The following TMEM74 variants were observed in gnomAD, a reference collection of about 807,000 sequenced individuals.
TMEM74 encodes transmembrane protein 74.
A neutral mutation model predicts 18.1 loss-of-function variants in TMEM74; 13 were observed. The ratio of observed to expected loss-of-function variants is 0.72; its 90% CI spans 0.47 to 1.14. The LOEUF is 1.14. Ranked by LOEUF, TMEM74 falls within the 50% of genes most tolerant of loss-of-function variation. The probability of loss-of-function intolerance (pLI) is 0.00; values close to 1 mark genes in which losing one functional copy is unlikely to be tolerated. For synonymous variants in TMEM74, 159 were observed against 146.6 expected, an observed-to-expected ratio of 1.08 and a Z score of -0.61; for missense variants, 372 against 375.9, an observed-to-expected ratio of 0.99 and a Z score of 0.09.
downstream of TMEM74, among the ~76,000 whole-genome samples, chr8:108,776,728 CATGATGATG>C (rs71305917): frequency 2.2e-4 from 33 of 148,000 alleles, no homozygotes; most frequent in African/African-American, 5.8e-4. Flanking sequence ...GCAGTTTCCA[CATGATGATG>C]ATGATGATGA....
intron 2 of TMEM74, among the ~76,000 whole-genome samples, chr8:108,647,958 C>T (rs1812736678): frequency 1.3e-5 from 2 of 151,978 alleles, no homozygotes; most frequent in South Asian, 4.2e-4. Flanking sequence ...ACAATTTGGC[C>T]AGGAAAAGAT....
rs531712644 is a variant in TMEM74 at position 108,780,512 on chromosome 8, G to C, written c.*3669C>G. Among the ~76,000 whole-genome samples, 2 of 152,244 alleles carry C rather than the reference G, an allele frequency of 1.3e-5. No individual in the cohort carries two copies. Among genetic ancestry groups the C allele is most frequent in the Admixed American group, 1.3e-4 (2 of 15,290 alleles). On this transcript the variant is annotated 3_prime_UTR_variant, in exon 2 of 2. Transcript: ENST00000297459. ...CAAGATTAAGTCACCCCTTATACTG[G>C]GGGGACTGAGGTAAAGGCACACATA...
chr8:108,713,809 A>G (rs1720834401), intron 1 of TMEM74, among the ~76,000 whole-genome samples: 1 of 152,344 alleles, frequency 6.6e-6, no homozygotes, highest in Non-Finnish European at 1.5e-5. Context: ...AGACCCTGCA[A>G]TGCTGAAAAC....
chr8:108,746,383 A>C (rs1813848509), intron 1 of TMEM74, among the ~76,000 whole-genome samples: 1 of 152,036 alleles, frequency 6.6e-6, no homozygotes, highest in Non-Finnish European at 1.5e-5. Context: ...TTGTATGTGC[A>C]CCATCACAGA....
At chr8:108,676,366 C>T (rs1308332330) in intron 1 of TMEM74, among the ~76,000 whole-genome samples, 2 of 152,168 alleles carry the variant, frequency 1.3e-5, no homozygotes, top group Non-Finnish European at 2.9e-5. Context: ...TATGACTCTG[C>T]CTCTTGCTGC....
chr8:108,728,274 T>C (rs950921356), intron 1 of TMEM74, among the ~76,000 whole-genome samples: 8 of 152,112 alleles, frequency 5.3e-5, no homozygotes, highest in African/African-American at 1.7e-4. Context: ...GTGTAAAGAA[T>C]TGATAATGTA....
At chr8:108,756,647 AAAG>A (rs1813971063) in intron 1 of TMEM74, among the ~76,000 whole-genome samples, 47 of 61,326 alleles carry the variant, frequency 7.7e-4, no homozygotes, top group African/African-American at 2.9e-3. Context: ...AGGAAGAAAG[AAAG>A]AGAAAGAAAG....
chr8:108,629,263 G>T (rs928891645), intron 2 of TMEM74, among the ~76,000 whole-genome samples: 6 of 151,916 alleles, frequency 3.9e-5, no homozygotes, highest in Non-Finnish European at 8.8e-5. Flanking sequence ...CCAAAATAAG[G>T]TGTCAAGACA....
intron 1 of TMEM74, among the ~76,000 whole-genome samples, chr8:108,735,319 T>G (rs1813737205): frequency 6.6e-6 from 1 of 152,208 alleles, no homozygotes; most frequent in African/African-American, 2.4e-5. Context: ...TTTTCATCAC[T>G]TTAAGAAGCA....
chr8:108,727,141 A>T (rs553241232), intron 1 of TMEM74, among the ~76,000 whole-genome samples: 1 of 152,124 alleles, frequency 6.6e-6, no homozygotes, highest in Non-Finnish European at 1.5e-5. Context: ...AGGAGAGAGG[A>T]TATTTTATGA....
At chr8:108,734,902 T>A (rs1813730430) in intron 1 of TMEM74, among the ~76,000 whole-genome samples, 1 of 152,120 alleles carries the variant, frequency 6.6e-6, no homozygotes, top group Non-Finnish European at 1.5e-5. Context: ...TTTAAAATTT[T>A]AAAAAAGACA....
intron 1 of TMEM74, among the ~76,000 whole-genome samples, chr8:108,756,755 G>C (rs1413076052): frequency 8.6e-6 from 1 of 115,918 alleles, no homozygotes; most frequent in Non-Finnish European, 1.8e-5. Flanking sequence ...AAGGGAGGGA[G>C]GGAGGGAGGG....
chr8:108,708,254 C>CTTTTT (rs35851810), intron 1 of TMEM74, among the ~76,000 whole-genome samples: 1 of 143,338 alleles, frequency 7.0e-6, no homozygotes. Context: ...TATGTAACAC[C>CTTTTT]TTTTTTTTTT....
downstream of TMEM74, among the ~76,000 whole-genome samples, chr8:108,775,241 G>T (rs909770782): frequency 3.9e-5 from 6 of 152,108 alleles, no homozygotes; most frequent in African/African-American, 1.4e-4. Context: ...CTTTCTGGAA[G>T]GAATCACTTG....
chr8:108,764,098 A>G (rs572859069), intron 1 of TMEM74, among the ~76,000 whole-genome samples: 1 of 152,274 alleles, frequency 6.6e-6, no homozygotes, highest in South Asian at 2.1e-4. Flanking sequence ...GGAAAACTTG[A>G]TAGCATTTCA....
intron 1 of TMEM74, among the ~76,000 whole-genome samples, chr8:108,689,059 C>T (rs1024579493): frequency 2.0e-5 from 3 of 152,126 alleles, no homozygotes; most frequent in African/African-American, 7.2e-5. Context: ...GACAAAGGTG[C>T]CCACTTATCT....
intron 1 of TMEM74, among the ~76,000 whole-genome samples, chr8:108,710,981 G>C (rs1813469017): frequency 6.6e-6 from 1 of 152,176 alleles, no homozygotes; most frequent in South Asian, 2.1e-4. Flanking sequence ...ATTGAGTCAT[G>C]TACAATGTAA....
intron 1 of TMEM74, among the ~76,000 whole-genome samples, chr8:108,743,363 C>T (rs916770175): frequency 2.0e-5 from 3 of 152,020 alleles, no homozygotes; most frequent in African/African-American, 7.2e-5. Context: ...GCTTCTTCTC[C>T]TTCTTGCAGC....
chr8:108,736,465 C>T (rs569075051), intron 1 of TMEM74, among the ~76,000 whole-genome samples: 2 of 152,238 alleles, frequency 1.3e-5, no homozygotes, highest in East Asian at 1.9e-4. Flanking sequence ...TATTAGTCTA[C>T]ATGCCACTCT....
Sources: allele counts gnomAD v4.1 joint callset (sites outside exome capture counted in the v4.1 genomes callset), GRCh38; gene constraint gnomAD v4.1.1; transcripts MANE v1.5; gene names NCBI Gene and HGNC (gene_info 2026-07-23, HGNC 2026-07-21).